Variants in BBS9 observed in about 807,000 individuals in gnomAD.
BBS9 encodes the protein Bardet-Biedl syndrome 9, also known as protein PTHB1.
A neutral mutation model predicts 117.7 loss-of-function variants in BBS9; 89 were observed. The observed-to-expected ratio is 0.76, with a 90% CI of 0.64 to 0.90. BBS9 has a LOEUF of 0.90. BBS9 is among the 40% of genes least tolerant of loss of function. The probability of loss-of-function intolerance (pLI) is 0.00; values close to 1 mark genes in which losing one functional copy is unlikely to be tolerated. For synonymous variants in BBS9, 379 were observed against 370.9 expected (o/e 1.02, Z -0.25); for missense variants, 982 against 1,042.2 (o/e 0.94, Z 0.80).
rs568410606 is a variant in BBS9 at position 33,148,645 on chromosome 7, G to A, written c.112+2281G>A. 7.5e-3 allele frequency among the ~76,000 whole-genome samples: 1,126 copies of A among 150,466 alleles called. 6 individuals are homozygous for A. Among genetic ancestry groups the A allele is most frequent in the Non-Finnish European group, 0.012 (795 of 67,776 alleles). On this transcript the variant is annotated intron_variant, in intron 2 of 22. Coordinates refer to ENST00000242067, the MANE Select transcript of BBS9 (RefSeq NM_198428.3). ...CACAAAGTGCTGGGATTACAGGCAT[G>A]AGCCACTGCACCTGGCCTTTTTTTT...
intron 5 of BBS9, among the ~76,000 whole-genome samples, chr7:33,203,248 A>G (rs1405729002): frequency 1.3e-5 from 2 of 152,198 alleles, no homozygotes; most frequent in Non-Finnish European, 2.9e-5. Context: ...AAAACTCTAC[A>G]ATAGTGGTTC....
At chr7:33,285,499 A>G (rs924115066) in intron 9 of BBS9, among the ~76,000 whole-genome samples, 3 of 152,162 alleles carry the variant, frequency 2.0e-5, no homozygotes, top group African/African-American at 7.2e-5. Context: ...ATCTCATTGA[A>G]GGATTTTGGG....
intron 9 of BBS9, among the ~76,000 whole-genome samples, chr7:33,311,097 G>T (rs1401826167): frequency 1.3e-5 from 2 of 152,170 alleles, no homozygotes; most frequent in African/African-American, 4.8e-5. Context: ...GAAATCCAAT[G>T]GCTAAGCAGA....
chr7:33,390,417 T>C, intron 19 of BBS9: 6 of 985,274 alleles, frequency 6.1e-6, no homozygotes, highest in Non-Finnish European at 7.2e-6. Flanking sequence ...GACAAGACGA[T>C]CAAAACCATG....
chr7:33,297,578 G>A (rs1269900572), intron 9 of BBS9, among the ~76,000 whole-genome samples: 1 of 152,128 alleles, frequency 6.6e-6, no homozygotes, highest in Non-Finnish European at 1.5e-5. Flanking sequence ...AGAGAAGCAA[G>A]AAGGAATAAA....
At chr7:33,368,614 A>ACC (rs1219558687) in intron 17 of BBS9, among the ~76,000 whole-genome samples, 4 of 145,558 alleles carry the variant, frequency 2.7e-5, no homozygotes, top group African/African-American at 1.1e-4. Context: ...ACACACACAC[A>ACC]CACCCATACC....
chr7:33,295,440 A>AT (rs1431506972), intron 9 of BBS9, among the ~76,000 whole-genome samples: 2 of 151,716 alleles, frequency 1.3e-5, no homozygotes, highest in Non-Finnish European at 2.9e-5. Flanking sequence ...AAGAAACCAG[A>AT]TTTTTTTGTG....
chr7:33,620,387 A>G (rs1865345464), intron 21 of BBS9, among the ~76,000 whole-genome samples: 1 of 152,038 alleles, frequency 6.6e-6, no homozygotes, highest in African/African-American at 2.4e-5. Flanking sequence ...AAAAACTATT[A>G]AAAGCAATAA....
Position 33,335,004 on chromosome 7 carries a change from T to C in BBS9, c.1017-1437T>C, listed in dbSNP as rs575953751. Among the ~76,000 whole-genome samples the C allele has an allele frequency of 1.1e-4, 17 of 152,306 alleles. No individual in the cohort carries two copies. The East Asian group carries it at 3.3e-3, about 29-fold the overall frequency. On this transcript the variant is annotated intron_variant, in intron 9 of 22. Coordinates refer to ENST00000242067, the MANE Select transcript of BBS9 (RefSeq NM_198428.3). Reference sequence around the variant, plus strand: ...GTGGTGAAGTGGATGCTGGTGACCATCTTATGGGCAGAACTGAGCAATGGT... The same window carrying C: ...GTGGTGAAGTGGATGCTGGTGACCACCTTATGGGCAGAACTGAGCAATGGT...
intron 5 of BBS9, among the ~76,000 whole-genome samples, chr7:33,188,080 ATGTGTG>A (rs145485929): frequency 5.5e-5 from 4 of 73,070 alleles, no homozygotes; most frequent in Non-Finnish European, 7.8e-5. Context: ...AGTTGAGTGA[ATGTGTG>A]TGTGTGTGTG....
intron 5 of BBS9, among the ~76,000 whole-genome samples, chr7:33,193,501 A>C (rs1035554098): frequency 7.4e-6 from 1 of 135,506 alleles, no homozygotes; most frequent in Non-Finnish European, 1.5e-5. Context: ...AATCAAGCTT[A>C]GCTTGGCCCA....
chr7:33,322,088 A>C (rs1265790900), intron 9 of BBS9, among the ~76,000 whole-genome samples: 1 of 151,978 alleles, frequency 6.6e-6, no homozygotes, highest in Non-Finnish European at 1.5e-5. Flanking sequence ...GGTCCTAATG[A>C]ATGATCTTTT....
chr7:33,495,803 T>C (rs1321614331), intron 19 of BBS9, among the ~76,000 whole-genome samples: 1 of 152,190 alleles, frequency 6.6e-6, no homozygotes, highest in African/African-American at 2.4e-5. Flanking sequence ...TCCTTTCAAC[T>C]GATTAAGTTA....
At chr7:33,248,943 A>G (rs546001752) in intron 5 of BBS9, among the ~76,000 whole-genome samples, 1 of 152,284 alleles carries the variant, frequency 6.6e-6, no homozygotes. Flanking sequence ...ATGCTTGGCC[A>G]TAGGTCACGT....
At chr7:33,340,394 T>C (rs1394150370) in intron 10 of BBS9, among the ~76,000 whole-genome samples, 1 of 152,202 alleles carries the variant, frequency 6.6e-6, no homozygotes, top group Admixed American at 6.5e-5. Flanking sequence ...ATAGTACAGA[T>C]ATACCATGAT....
intron 21 of BBS9, among the ~76,000 whole-genome samples, chr7:33,545,223 C>T (rs1157873445): frequency 6.6e-6 from 1 of 152,074 alleles, no homozygotes; most frequent in Non-Finnish European, 1.5e-5. Flanking sequence ...GCTTCTTGTC[C>T]CTAGCCTTTC....
intron 19 of BBS9, among the ~76,000 whole-genome samples, chr7:33,441,786 T>C (rs1164949847): frequency 6.6e-6 from 1 of 152,196 alleles, no homozygotes; most frequent in Non-Finnish European, 1.5e-5. Context: ...TGGACTCTTG[T>C]GGAGCTCAGA....
chr7:33,398,667 T>C (rs1340796854), intron 19 of BBS9, among the ~76,000 whole-genome samples: 1 of 152,222 alleles, frequency 6.6e-6, no homozygotes, highest in Non-Finnish European at 1.5e-5. Flanking sequence ...ATGTATTATT[T>C]TTAATTTCCT....
intron 21 of BBS9, among the ~76,000 whole-genome samples, chr7:33,546,160 T>C (rs748042680): frequency 4.8e-4 from 73 of 151,982 alleles, no homozygotes; most frequent in Non-Finnish European, 7.9e-4. Flanking sequence ...GTCTTGATCT[T>C]CTGACCTCGT....
Sources: allele counts gnomAD v4.1 joint callset (sites outside exome capture counted in the v4.1 genomes callset), GRCh38; gene constraint gnomAD v4.1.1; transcripts MANE v1.5; gene names NCBI Gene and HGNC (gene_info 2026-07-23, HGNC 2026-07-21).